The following RBM27 variants were observed in gnomAD, a reference collection of about 807,000 sequenced individuals.
RBM27 encodes the protein RNA-binding protein 27.
RBM27 carries 22 observed loss-of-function variants against 135.3 expected under a neutral mutation model. That is an observed-to-expected ratio of 0.16 (90% CI 0.12 to 0.23). RBM27 has a LOEUF of 0.23. Ranked by LOEUF, RBM27 falls within the 10% of genes least tolerant of loss-of-function variation. The probability of loss-of-function intolerance (pLI) is 1.00; values close to 1 mark genes in which losing one functional copy is unlikely to be tolerated. For missense variants in RBM27, 1,009 were observed against 1,281.0 expected (o/e 0.79, Z 3.24); for synonymous variants, 481 against 442.4 (o/e 1.09, Z -1.10).
Position 146,267,703 on chromosome 5 carries a change from A to G in RBM27, c.2386A>G (p.Thr796Ala). 1 of 1,608,912 alleles carries G rather than the reference A, an allele frequency of 6.2e-7. No individual in the cohort carries two copies. Among genetic ancestry groups the G allele is most frequent in the Non-Finnish European group, 8.5e-7 (1 of 1,176,524 alleles). Residue 796 changes from threonine (T) to alanine (A), a missense_variant, in exon 15 of 21, where the codon ACA becomes GCA. By Grantham distance (58) the Thr-to-Ala change is moderately conservative. Transcript: ENST00000265271. The stretch of plus-strand genomic sequence containing the variant: ...GATTTACAGCTCCTCAAACTTAAAG[A>G]CACCTTCAAAGCTCTGTTCAGGGTC... The part of the protein sequence containing the change: ...KMIYSSSNLK[T>A]PSKLCSGSKS...
chr5:146,250,989 C>T (rs931919065), intron 8 of RBM27, among the ~76,000 whole-genome samples: 4 of 151,868 alleles, frequency 2.6e-5, no homozygotes, highest in Admixed American at 1.3e-4. Context: ...CTTGGCCAGG[C>T]TGGTCTTGAA....
At chr5:146,267,624 C>CTT (rs55635431) in intron 14 of RBM27, 25 bp from the exon 15 acceptor site, 188 of 1,096,306 alleles carry the variant, frequency 1.7e-4, no homozygotes, top group South Asian at 2.5e-4. Context: ...TTTGTGTGTG[C>CTT]TTTTTTTTTT....
At chr5:146,207,493 A>T (rs6882517) in intron 1 of RBM27, among the ~76,000 whole-genome samples, 2 of 151,424 alleles carry the variant, frequency 1.3e-5, no homozygotes, top group Non-Finnish European at 2.9e-5. Flanking sequence ...GATTACAGGC[A>T]TGAGCCACTG....
At chr5:146,219,126 C>A in intron 2 of RBM27, 23 bp downstream of exon 2, 1 of 1,466,936 alleles carries the variant, frequency 6.8e-7, no homozygotes, top group South Asian at 1.2e-5. Context: ...GGCCTTCAAT[C>A]GAGTATTGAA....
chr5:146,283,478 A>C (rs145639964), intron 19 of RBM27, among the ~76,000 whole-genome samples: 2,553 of 152,206 alleles, frequency 0.017, 87 homozygotes, highest in African/African-American at 0.059. Context: ...TCGAGGCTGC[A>C]GTGAGTGTGA....
chr5:146,219,970 A>G (rs978057243), intron 2 of RBM27, among the ~76,000 whole-genome samples: 3 of 152,052 alleles, frequency 2.0e-5, no homozygotes, highest in African/African-American at 7.2e-5. Context: ...TGCCTCAAGC[A>G]ACTGCCCCAC....
chr5:146,260,838 G>A lies in RBM27; in HGVS notation c.1833G>A (p.Leu611=). 1 of 1,613,696 alleles carries A rather than the reference G, an allele frequency of 6.2e-7. No homozygotes were observed. The highest frequency in any genetic ancestry group is 1.1e-5 in the South Asian group (1 of 90,960). The part of the protein sequence containing the change: ...KLEVKKIPQE[L]NNITKLNEHF... ...AAGTCAAGAAAATCCCTCAGGAATT[G>A]AACAACATTACCAAGCTCAATGAAC... The change falls in exon 12 of 21, where the codon TTG becomes TTA. Residue 611 remains leucine (L), a synonymous_variant. Coordinates refer to ENST00000265271, the MANE Select transcript of RBM27 (RefSeq NM_018989.2).
intron 19 of RBM27, among the ~76,000 whole-genome samples, chr5:146,278,593 A>G (rs1045019862): frequency 1.3e-5 from 2 of 152,102 alleles, no homozygotes; most frequent in Non-Finnish European, 1.5e-5. Context: ...TTTATATTAG[A>G]TTTTAAATTG....
chr5:146,219,214 T>C, intron 2 of RBM27, 111 bp downstream of exon 2: 1 of 698,556 alleles, frequency 1.4e-6, no homozygotes, highest in Admixed American at 2.8e-5. Context: ...GTCAGAGTCC[T>C]TTGAATACTT....
At chr5:146,256,427 G>A (rs1276297668) in intron 10 of RBM27, among the ~76,000 whole-genome samples, 4 of 150,674 alleles carry the variant, frequency 2.7e-5, no homozygotes, top group Admixed American at 2.0e-4. Flanking sequence ...TCGGCTCACT[G>A]CAACCTCCGC....
intron 14 of RBM27, among the ~76,000 whole-genome samples, chr5:146,264,425 A>AC (rs941408643): frequency 6.6e-6 from 1 of 152,080 alleles, no homozygotes; most frequent in African/African-American, 2.4e-5. Context: ...TAGGTGATCC[A>AC]CCCCAGAGTG....
At chr5:146,241,976 G>C (rs535007154) in intron 8 of RBM27, among the ~76,000 whole-genome samples, 1 of 151,930 alleles carries the variant, frequency 6.6e-6, no homozygotes, top group Admixed American at 6.6e-5. Flanking sequence ...TTTTTAGTAG[G>C]CACAGGTTCT....
At chr5:146,264,837 A>C (rs1758550258) in intron 14 of RBM27, among the ~76,000 whole-genome samples, 1 of 152,168 alleles carries the variant, frequency 6.6e-6, no homozygotes, top group South Asian at 2.1e-4. Flanking sequence ...ACAAAGTGGA[A>C]CAGGTCAGTG....
intron 15 of RBM27, among the ~76,000 whole-genome samples, chr5:146,268,578 TTTTTCTTTTCTTTTC>T (rs538361651): frequency 6.6e-6 from 1 of 151,988 alleles, no homozygotes; most frequent in Admixed American, 6.6e-5. Context: ...GCATGTCACT[TTTTTCTTTTCTTTTC>T]TTTTCTTTGA....
intron 14 of RBM27, among the ~76,000 whole-genome samples, chr5:146,266,784 G>A (rs1758636331): frequency 6.6e-6 from 1 of 152,014 alleles, no homozygotes; most frequent in South Asian, 2.1e-4. Context: ...AAAAAGAAAA[G>A]AAACCAGCTA....
intron 8 of RBM27, among the ~76,000 whole-genome samples, chr5:146,239,472 C>T (rs6883075): frequency 0.023 from 1,266 of 55,128 alleles, 1 homozygote; most frequent in Middle Eastern, 0.042. Flanking sequence ...TTTTCCTTTT[C>T]TTTTTTTTTT....
At chr5:146,244,895 A>G (rs1311588901) in intron 8 of RBM27, among the ~76,000 whole-genome samples, 1 of 151,578 alleles carries the variant, frequency 6.6e-6, no homozygotes. Context: ...TTTTTTAGAA[A>G]TAGGGTCTTG....
At chr5:146,251,652 C>G in intron 8 of RBM27, 59 bp from the exon 9 acceptor site, 1 of 1,466,368 alleles carries the variant, frequency 6.8e-7, no homozygotes, top group Non-Finnish European at 9.5e-7. Flanking sequence ...AACACATCAT[C>G]ACCTAAGAGA....
chr5:146,266,587 A>G (rs1044222342), intron 14 of RBM27, among the ~76,000 whole-genome samples: 3 of 152,310 alleles, frequency 2.0e-5, no homozygotes, highest in Admixed American at 6.5e-5. Context: ...TGAATTTTCC[A>G]TGGATTTCTT....
Sources: gnomAD v4.1 joint callset for allele counts (sites outside exome capture counted in the v4.1 genomes callset) on GRCh38, gnomAD v4.1.1 for gene constraint, MANE v1.5 for transcripts, NCBI Gene and HGNC (gene_info 2026-07-23, HGNC 2026-07-21) for gene names.